Variants in CNTNAP2 observed in about 807,000 individuals in gnomAD.
CNTNAP2 encodes the protein contactin associated protein 2.
A neutral mutation model predicts 155.2 loss-of-function variants in CNTNAP2; 98 were observed. The ratio of observed to expected loss-of-function variants is 0.63; its 90% CI spans 0.54 to 0.75. CNTNAP2 has a LOEUF of 0.75. Ranked by LOEUF, CNTNAP2 falls within the 30% of genes least tolerant of loss-of-function variation. The pLI is 0.00. For synonymous variants in CNTNAP2, 651 were observed against 631.2 expected (o/e 1.03, Z -0.47); for missense variants, 1,727 against 1,688.1 (o/e 1.02, Z -0.40).
At chr7:147,233,109 T>C (rs1803720978) in intron 8 of CNTNAP2, among the ~76,000 whole-genome samples, 1 of 152,254 alleles carries the variant, frequency 6.6e-6, no homozygotes, top group Non-Finnish European at 1.5e-5. Flanking sequence ...TAGTTTCCCT[T>C]ATTTAGTTAG....
At chr7:147,067,691 C>A (rs1584815973) in intron 4 of CNTNAP2, among the ~76,000 whole-genome samples, 1 of 152,246 alleles carries the variant, frequency 6.6e-6, no homozygotes, top group South Asian at 2.1e-4. Flanking sequence ...AATTTTTGAG[C>A]TTCAACTTCT....
At chr7:147,066,712 G>T (rs962289925) in intron 4 of CNTNAP2, among the ~76,000 whole-genome samples, 4 of 152,152 alleles carry the variant, frequency 2.6e-5, no homozygotes, top group Non-Finnish European at 5.9e-5. Context: ...AAACAGGTTT[G>T]CTTTCCCTAA....
At chr7:146,735,373 A>AC (rs1801594963) in intron 1 of CNTNAP2, among the ~76,000 whole-genome samples, 1 of 152,140 alleles carries the variant, frequency 6.6e-6, no homozygotes, top group Non-Finnish European at 1.5e-5. Flanking sequence ...TAACACGGTG[A>AC]AACCCTGTCT....
At chr7:146,193,460 T>C (rs1798735364) in intron 1 of CNTNAP2, among the ~76,000 whole-genome samples, 1 of 152,212 alleles carries the variant, frequency 6.6e-6, no homozygotes, top group Non-Finnish European at 1.5e-5. Flanking sequence ...ACAGGTTCAG[T>C]GCCACATGGA....
rs1584883214 is a variant in CNTNAP2, at chr7:147,657,651, A to AG, written c.2098+18347dup. Among the ~76,000 whole-genome samples, 3 of 152,306 alleles carry AG rather than the reference A, an allele frequency of 2.0e-5. No homozygotes were observed. The East Asian group carries it at 5.8e-4, about 29-fold the overall frequency. ...AGAAAAAAGAATGAATAATTTGAGG[A>AG]GGAAAAATATAATTGGGGTTATATA... is the stretch of plus-strand genomic sequence containing the variant. On this transcript the variant is annotated intron_variant, in intron 13 of 23. Coordinates refer to ENST00000361727, the MANE Select transcript of CNTNAP2 (RefSeq NM_014141.6).
intron 16 of CNTNAP2, among the ~76,000 whole-genome samples, chr7:148,147,240 G>A (rs1049202233): frequency 2.0e-5 from 3 of 152,074 alleles, no homozygotes; most frequent in Non-Finnish European, 2.9e-5. Context: ...GTCACATCTT[G>A]GAAGGCTTCT....
chr7:146,296,812 T>C (rs1003662222), intron 1 of CNTNAP2, among the ~76,000 whole-genome samples: 1 of 151,930 alleles, frequency 6.6e-6, no homozygotes, highest in Non-Finnish European at 1.5e-5. Context: ...AATGAAAGAG[T>C]GCACATTTTA....
intron 11 of CNTNAP2, among the ~76,000 whole-genome samples, chr7:147,493,405 A>G (rs1798642767): frequency 6.6e-6 from 1 of 152,132 alleles, no homozygotes; most frequent in African/African-American, 2.4e-5. Context: ...GATCTGTGTC[A>G]GATGCTCAGT....
At chr7:147,852,788 G>T (rs1357840368) in intron 13 of CNTNAP2, among the ~76,000 whole-genome samples, 1 of 152,090 alleles carries the variant, frequency 6.6e-6, no homozygotes, top group Non-Finnish European at 1.5e-5. Flanking sequence ...TTGAAACCTA[G>T]ACATTTTAGA....
intron 13 of CNTNAP2, among the ~76,000 whole-genome samples, chr7:147,772,513 G>A (rs1279398379): frequency 3.1e-5 from 4 of 127,376 alleles, no homozygotes; most frequent in African/African-American, 1.2e-4. Flanking sequence ...CACAAAAGAG[G>A]TGATTTTTTT....
At chr7:147,851,120 C>G (rs1240902468) in intron 13 of CNTNAP2, among the ~76,000 whole-genome samples, 16 of 152,194 alleles carry the variant, frequency 1.1e-4, no homozygotes, top group African/African-American at 3.9e-4. Flanking sequence ...AGGACATGAA[C>G]AGACACTTCT....
chr7:147,927,386 G>A (rs116278407), intron 14 of CNTNAP2, among the ~76,000 whole-genome samples: 1,652 of 152,142 alleles, frequency 0.011, 36 homozygotes, highest in African/African-American at 0.038. Context: ...TCTTTTTAAA[G>A]TTTAATTTAA....
intron 1 of CNTNAP2, among the ~76,000 whole-genome samples, chr7:146,383,920 A>G (rs998615495): frequency 6.6e-6 from 1 of 152,196 alleles, no homozygotes; most frequent in Admixed American, 6.5e-5. Context: ...CATAATAAGT[A>G]TCAATGAATT....
chr7:146,499,599 C>G (rs184524868), intron 1 of CNTNAP2, among the ~76,000 whole-genome samples: 3 of 152,004 alleles, frequency 2.0e-5, no homozygotes, highest in Non-Finnish European at 4.4e-5. Flanking sequence ...TTCCTCCCCC[C>G]ACACCCCGAA....
intron 8 of CNTNAP2, among the ~76,000 whole-genome samples, chr7:147,246,431 T>C (rs1209069004): frequency 1.3e-5 from 2 of 152,128 alleles, no homozygotes; most frequent in Non-Finnish European, 2.9e-5. Flanking sequence ...CTCACAGTTC[T>C]AGAGGCTGGG....
At chr7:147,881,482 A>G (rs1385827971) in intron 13 of CNTNAP2, among the ~76,000 whole-genome samples, 1 of 152,222 alleles carries the variant, frequency 6.6e-6, no homozygotes, top group Non-Finnish European at 1.5e-5. Context: ...AGCTGCAAAG[A>G]TAAAGTGAGA....
At chr7:146,589,800 A>T (rs182229518) in intron 1 of CNTNAP2, among the ~76,000 whole-genome samples, 44 of 151,862 alleles carry the variant, frequency 2.9e-4, no homozygotes, top group African/African-American at 9.9e-4. Flanking sequence ...TTTATGTGTT[A>T]TTCAAGTGAG....
intron 1 of CNTNAP2, among the ~76,000 whole-genome samples, chr7:146,647,139 C>T (rs1302574315): frequency 6.6e-6 from 1 of 152,120 alleles, no homozygotes; most frequent in East Asian, 1.9e-4. Flanking sequence ...CAGGTAAATC[C>T]CAGGAGCTGT....
chr7:146,274,994 G>T (rs554506513), intron 1 of CNTNAP2, among the ~76,000 whole-genome samples: 5 of 152,260 alleles, frequency 3.3e-5, no homozygotes, highest in African/African-American at 1.2e-4. Context: ...TTTGGCTTTT[G>T]GCACTTAATA....
Sources: gnomAD v4.1 joint callset for allele counts (sites outside exome capture counted in the v4.1 genomes callset) on GRCh38, gnomAD v4.1.1 for gene constraint, MANE v1.5 for transcripts, NCBI Gene and HGNC (gene_info 2026-07-23, HGNC 2026-07-21) for gene names.